TPRG1: variants seen among roughly 807,000 people sequenced by gnomAD.
TPRG1 encodes tumor protein p63-regulated gene 1 protein.
In TPRG1, 29 loss-of-function variants were observed where a neutral mutation model predicts 29.3. The observed-to-expected ratio is 0.99, with a 90% CI of 0.74 to 1.35. The LOEUF (loss-of-function observed/expected upper bound fraction) is 1.35. TPRG1 is among the 40% of genes most tolerant of loss of function. The pLI is 0.00. For synonymous variants in TPRG1, 130 were observed against 116.8 expected (o/e 1.11, Z -0.73); for missense variants, 327 against 335.0 (o/e 0.98, Z 0.19).
intron 3 of TPRG1, among the ~76,000 whole-genome samples, chr3:189,235,020 G>A (rs1180243323): frequency 6.6e-6 from 1 of 152,066 alleles, no homozygotes; most frequent in Non-Finnish European, 1.5e-5. Context: ...GTTGGAGGGG[G>A]CACAGTGAAT....
chr3:189,043,303 A>G (rs1399212882), intron 4 of TPRG1, among the ~76,000 whole-genome samples: 7 of 152,194 alleles, frequency 4.6e-5, no homozygotes, highest in African/African-American at 1.7e-4. Flanking sequence ...GTACGGTTTA[A>G]AGGGTATTGC....
intron 4 of TPRG1, among the ~76,000 whole-genome samples, chr3:189,073,787 C>G (rs1230258134): frequency 6.6e-6 from 1 of 151,764 alleles, no homozygotes; most frequent in Non-Finnish European, 1.5e-5. Flanking sequence ...GACTTTTTTT[C>G]TTCTTTCTCA....
chr3:189,000,284 C>T (rs1319854944), intron 1 of TPRG1, among the ~76,000 whole-genome samples: 1 of 152,050 alleles, frequency 6.6e-6, no homozygotes, highest in African/African-American at 2.4e-5. Context: ...ACATCTTTTA[C>T]TATATTGCAT....
intron 4 of TPRG1, among the ~76,000 whole-genome samples, chr3:189,069,333 TAC>T (rs1358635404): frequency 6.6e-6 from 1 of 152,188 alleles, no homozygotes; most frequent in Non-Finnish European, 1.5e-5. Flanking sequence ...GGTTAATGGT[TAC>T]CAGGGATAAA....
chr3:189,109,826 C>G (rs963831845), intron 1 of TPRG1, among the ~76,000 whole-genome samples: 6 of 152,126 alleles, frequency 3.9e-5, no homozygotes, highest in African/African-American at 1.4e-4. Flanking sequence ...CTCCAGTGCT[C>G]CTTTGTAGTT....
At chr3:189,150,643 G>A (rs920843858) in intron 4 of TPRG1, 1 of 152,182 alleles carries the variant, frequency 6.6e-6, no homozygotes, top group African/African-American at 2.4e-5. Context: ...CTTTTTAAAT[G>A]TATTTTCAAT....
chr3:189,202,146 A>G (rs1342459802), intron 1 of TPRG1, among the ~76,000 whole-genome samples: 1 of 152,118 alleles, frequency 6.6e-6, no homozygotes, highest in African/African-American at 2.4e-5. Context: ...CTGAGAAACA[A>G]ACATTTACCG....
chr3:189,240,723 T>TA (rs1309414581), intron 4 of TPRG1: 2 of 152,224 alleles, frequency 1.3e-5, no homozygotes, highest in African/African-American at 4.8e-5. Context: ...TTGTGGGTGT[T>TA]ACAATTCAAG....
rs148411214 is a variant in TPRG1 at position 189,281,636 on chromosome 3, T to G, written c.480-28750T>G. On this transcript the variant is annotated intron_variant, in intron 4 of 5. Transcript: ENST00000345063. The stretch of plus-strand genomic sequence containing the variant: ...TAATTTTATAAATATAAAATCATAA[T>G]ATAAGAAGTATTTTTTTCATCTTTC... Among the ~76,000 whole-genome samples, 19 of 152,254 alleles carry G rather than the reference T, an allele frequency of 1.2e-4. No individual in the cohort carries two copies. The East Asian group carries it at 2.3e-3, about 19-fold the overall frequency.
At chr3:189,259,466 T>TC (rs1712586605) in intron 4 of TPRG1, among the ~76,000 whole-genome samples, 1 of 140,624 alleles carries the variant, frequency 7.1e-6, no homozygotes, top group African/African-American at 2.8e-5. Context: ...GAATCCCTTT[T>TC]TTTTTTTTTT....
intron 4 of TPRG1, among the ~76,000 whole-genome samples, chr3:189,064,454 T>C (rs1046608167): frequency 2.6e-5 from 4 of 151,886 alleles, no homozygotes; most frequent in South Asian, 2.1e-4. Flanking sequence ...AAATCAATAA[T>C]CTAAATTTCT....
intron 3 of TPRG1, among the ~76,000 whole-genome samples, chr3:189,022,124 T>C (rs576725632): frequency 1.3e-5 from 2 of 152,174 alleles, no homozygotes; most frequent in African/African-American, 4.8e-5. Context: ...ATTCTAGTTA[T>C]ACATTCTTCC....
At chr3:189,066,200 T>A (rs1716433724) in intron 4 of TPRG1, among the ~76,000 whole-genome samples, 1 of 152,098 alleles carries the variant, frequency 6.6e-6, no homozygotes, top group Non-Finnish European at 1.5e-5. Flanking sequence ...AAGGAAACCC[T>A]GGGACCCAAT....
intron 4 of TPRG1, among the ~76,000 whole-genome samples, chr3:189,298,686 C>T (rs1320418146): frequency 6.6e-6 from 1 of 152,074 alleles, no homozygotes; most frequent in Admixed American, 6.5e-5. Flanking sequence ...TTCATGAGGG[C>T]CATAACCTAG....
At chr3:189,138,215 A>G (rs1443374447) in intron 3 of TPRG1, among the ~76,000 whole-genome samples, 1 of 152,176 alleles carries the variant, frequency 6.6e-6, no homozygotes, top group Non-Finnish European at 1.5e-5. Context: ...TTCAGGAGAG[A>G]AGAGACAAGG....
intron 4 of TPRG1, among the ~76,000 whole-genome samples, chr3:189,274,046 T>C (rs1715679519): frequency 6.6e-6 from 1 of 152,138 alleles, no homozygotes; most frequent in African/African-American, 2.4e-5. Context: ...CATGACAGGC[T>C]ATTTTGTACC....
At chr3:189,320,020 A>C (rs145643039) in intron 5 of TPRG1, among the ~76,000 whole-genome samples, 226 of 152,210 alleles carry the variant, frequency 1.5e-3, no homozygotes, top group African/African-American at 4.6e-3. Flanking sequence ...CAGTATGTGA[A>C]GTAACTCTAA....
intron 4 of TPRG1, among the ~76,000 whole-genome samples, chr3:189,299,392 T>A (rs1357641580): frequency 1.3e-5 from 2 of 152,224 alleles, no homozygotes; most frequent in Non-Finnish European, 2.9e-5. Context: ...GTATACTATA[T>A]GCATGCAAAC....
At chr3:188,999,032 T>G (rs921636191) in intron 1 of TPRG1, among the ~76,000 whole-genome samples, 2 of 152,188 alleles carry the variant, frequency 1.3e-5, no homozygotes, top group African/African-American at 4.8e-5. Flanking sequence ...TTACCCATAT[T>G]TGGTCATTAC....
Sources: allele counts gnomAD v4.1 joint callset (sites outside exome capture counted in the v4.1 genomes callset), GRCh38; gene constraint gnomAD v4.1.1; transcripts MANE v1.5; gene names NCBI Gene and HGNC (gene_info 2026-07-23, HGNC 2026-07-21).